The following GAL3ST3 variants were observed in gnomAD, a reference collection of about 807,000 sequenced individuals.
The protein encoded by GAL3ST3 is beta-galactose-3-O-sulfotransferase 3.
GAL3ST3 carries 21 observed loss-of-function variants against 20.8 expected under a neutral mutation model. The observed-to-expected ratio is 1.01, with a 90% CI of 0.72 to 1.45. The LOEUF (loss-of-function observed/expected upper bound fraction) is 1.45, where lower values mean the gene tolerates loss of function less well. Among genes scored for constraint, GAL3ST3 ranks in the 40% most tolerant of loss-of-function variants. GAL3ST3 has a pLI of 0.00. For synonymous variants in GAL3ST3, 355 were observed against 307.2 expected, an observed-to-expected ratio of 1.16 and a Z score of -1.63; for missense variants, 739 against 662.7, an observed-to-expected ratio of 1.12 and a Z score of -1.26.
At position 66,042,699 on chromosome 11, in the gene GAL3ST3, G is replaced by A. The variant is rs1856721114; in HGVS notation, c.1104C>T (p.Asp368=). Residue 368 remains aspartate (D), a synonymous_variant, in exon 3 of 3, where the codon GAC becomes GAT. Transcript: ENST00000312006. The stretch of plus-strand genomic sequence containing the variant: ...CCGGGCCGGCGCCGCCGCCGGGCAG[G>A]TCATAGCCCATAATGTCCACCTTGC... ...PSRKVDIMGY[D]LPGGGAGPAT... is the part of the protein sequence containing the mutation. The A allele has an allele frequency of 6.5e-7, 1 of 1,534,016 alleles. No homozygotes were observed. Among genetic ancestry groups the A allele is most frequent in the Non-Finnish European group, 8.7e-7 (1 of 1,145,872 alleles).
chr11:66,044,671 A>C (rs2135021101), intron 2 of GAL3ST3, among the ~76,000 whole-genome samples: 1 of 152,342 alleles, frequency 6.6e-6, no homozygotes. Flanking sequence ...AAATACAGTA[A>C]TATACAAAAA....
intron 2 of GAL3ST3, chr11:66,045,036 T>G: frequency 3.1e-6 from 1 of 322,434 alleles, no homozygotes. Context: ...GAGAAGTTGT[T>G]TCCACTGGGG....
Position 66,043,771 on chromosome 11 carries a change from G to A in GAL3ST3, c.126-94C>T, listed in dbSNP as rs564575881. On this transcript the variant is annotated intron_variant, in intron 2 of 2. Transcript: ENST00000312006. ...CAAGGACTGTGGGATGCCCCACAGC[G>A]CGGCCCCGCCTGGGCTGCACTCATG... The A allele has an allele frequency of 1.4e-4, 159 of 1,174,864 alleles. No homozygotes were observed. In the East Asian group the frequency reaches 2.9e-3, roughly 22 times the overall value. 72.8% of individuals were successfully genotyped at this position (1,174,864 alleles called of 1,614,324 possible). A position where few individuals can be genotyped will look rare whatever the true frequency, so the allele number is the denominator to read the frequency against.
chr11:66,045,320 A>G lies in GAL3ST3; in HGVS notation c.96T>C (p.Leu32=). The G allele has an allele frequency of 6.3e-7, 1 of 1,593,352 alleles. No individual in the cohort carries two copies. The highest frequency in any genetic ancestry group is 8.6e-7 in the Non-Finnish European group (1 of 1,169,136). The change falls in exon 2 of 3, where the codon CTT becomes CTC. Residue 32 remains leucine, a synonymous_variant. Transcript: ENST00000312006. The part of the protein sequence containing the change: ...LLVLGCSTVS[L]LIHQGAQLSW... ...TGAGCTGCGCCCCCTGGTGGATGAG[A>G]AGGCTTACGGTGCTGCACCCTAGCA... is the stretch of plus-strand genomic sequence containing the variant.
Position 66,042,946 on chromosome 11 carries a change from G to T in GAL3ST3, c.857C>A (p.Ala286Glu). ...LAAIPAALARAARTWNALDAG... is the reference protein window; with the variant it reads ...LAAIPAALAREARTWNALDAG... ...GTCCAGGGCGTTCCAGGTGCGCGCCGCCCGCGCCAGCGCCGCGGGGATGGC... is the reference window on the plus strand; with the variant it reads ...GTCCAGGGCGTTCCAGGTGCGCGCCTCCCGCGCCAGCGCCGCGGGGATGGC... The change falls in exon 3 of 3, where the codon GCG (alanine) becomes GAG (glutamate). Residue 286 changes from alanine (A) to glutamate (E), a missense_variant. By Grantham distance (107) the Ala-to-Glu change is moderately radical. Transcript: ENST00000312006. 7.7e-7 allele frequency: 1 copy of T among 1,302,906 alleles called. No homozygotes were observed. The highest frequency in any genetic ancestry group is 9.8e-7 in the Non-Finnish European group (1 of 1,023,710). The allele number at this position is 1,302,906 out of a possible 1,614,324, so 80.7% of individuals were successfully genotyped here.
rs899317494 is a variant in GAL3ST3 at position 66,042,388 on chromosome 11, C to T, written c.*119G>A. On this transcript the variant is annotated 3_prime_UTR_variant, in exon 3 of 3. Coordinates refer to ENST00000312006, the MANE Select transcript of GAL3ST3 (RefSeq NM_033036.3). ...TAGGGAGGCGTACCCCAAAGTTCAG[C>T]GAGGGACTCAAGCCCCTTGAAAAGA... is the stretch of plus-strand genomic sequence containing the variant. The T allele has an allele frequency of 2.3e-5, 18 of 778,296 alleles. No homozygotes were observed. The African/African-American group carries it at 2.8e-4, about 12-fold the overall frequency. 48.2% of individuals were successfully genotyped at this position (778,296 alleles called of 1,614,324 possible).
chr11:66,043,907 TATC>T (rs1856753274), intron 2 of GAL3ST3, among the ~76,000 whole-genome samples: 1 of 152,200 alleles, frequency 6.6e-6, no homozygotes, highest in African/African-American at 2.4e-5. Context: ...AGGCTGGACT[TATC>T]ATTGCATCTA....
rs762912088 is a variant in GAL3ST3, at chr11:66,043,642, AGAG to A, written c.158_160del (p.Pro53del). On this transcript the variant is annotated inframe_deletion, in exon 3 of 3. Transcript: ENST00000312006. The stretch of plus-strand genomic sequence containing the variant: ...CTTGGGGCGCGGCGGCGAGTTCCGC[AGAG>A]GAGGGCAGCTCAAGGGGAACAGCTT... 6 of 1,610,804 alleles carry A rather than the reference AGAG, an allele frequency of 3.7e-6. No homozygotes were observed. The South Asian group carries it at 4.4e-5, about 12-fold the overall frequency.
In GAL3ST3 at chr11:66,042,884, GC is replaced by G; in HGVS notation, c.918del (p.Trp306CysfsTer155). 1 of 1,181,960 alleles carries G rather than the reference GC, an allele frequency of 8.5e-7. No homozygotes were observed. Among genetic ancestry groups the G allele is most frequent in the Non-Finnish European group, 1.1e-6 (1 of 947,932 alleles). The allele number at this position is 1,181,960 out of a possible 1,614,324, so 73.2% of individuals were successfully genotyped here. A position where few individuals can be genotyped will look rare whatever the true frequency, so the allele number is the denominator to read the frequency against. On this transcript the variant is annotated frameshift_variant, in exon 3 of 3. Coordinates refer to ENST00000312006, the MANE Select transcript of GAL3ST3 (RefSeq NM_033036.3). LOFTEE classifies it high-confidence loss of function. ...GCGCGGCCCGCGCGCGCCACGTGGC[GC>G]CAGAAGGTGGCGTTGAAGTGGTCGT... ...GLYDHFNATF[W>X]RHVARAGRAC...
chr11:66,041,590 C>G lies in GAL3ST3; in HGVS notation c.*917G>C, dbSNP rs1027871598. Among the ~76,000 whole-genome samples the G allele has an allele frequency of 6.6e-6, 1 of 152,178 alleles. No homozygotes were observed. The highest frequency in any genetic ancestry group is 2.4e-5 in the African/African-American group (1 of 41,438). ...AAAGAGGTGTTGTGCTCTAACCCCT[C>G]CAGTCCTTCCTCTTTGCTTACCTGT... On this transcript the variant is annotated 3_prime_UTR_variant, in exon 3 of 3. Transcript: ENST00000312006.
chr11:66,044,376 C>A (rs1028732987), intron 2 of GAL3ST3, among the ~76,000 whole-genome samples: 2 of 152,198 alleles, frequency 1.3e-5, no homozygotes, highest in African/African-American at 2.4e-5. Context: ...GGGACAAAGA[C>A]CCCTGGAGAT....
intron 1 of GAL3ST3, among the ~76,000 whole-genome samples, chr11:66,047,501 CT>C (rs1856793920): frequency 6.6e-6 from 1 of 152,198 alleles, no homozygotes; most frequent in Non-Finnish European, 1.5e-5. Flanking sequence ...CCCCACTTCC[CT>C]ACATGGCTGA....
In GAL3ST3 at chr11:66,043,049, G is replaced by T. The variant is rs766591146; in HGVS notation, c.754C>A (p.Arg252=). ...TCCAGGTCCCAGGCCAGTAGGCGCC[G>T]CAGCAGCACTAGCGACTCGTCGAAG... is the stretch of plus-strand genomic sequence containing the variant. ...EYFDESLVLL[R]RLLAWDLDDV... Residue 252 remains arginine (R), a synonymous_variant, in exon 3 of 3, where the codon CGG becomes AGG. Coordinates refer to ENST00000312006, the MANE Select transcript of GAL3ST3 (RefSeq NM_033036.3). 6.2e-7 allele frequency: 1 copy of T among 1,611,118 alleles called. No individual in the cohort carries two copies. The highest frequency in any genetic ancestry group is 8.5e-7 in the Non-Finnish European group (1 of 1,179,204).
chr11:66,040,993 TAGC>T lies in GAL3ST3; in HGVS notation c.*1511_*1513del, dbSNP rs1156840101. ...GAAAAACTGGATAAAGAGTTGCTGA[TAGC>T]AGTGTCCTGGTTCTTCCCTTTACAT... On this transcript the variant is annotated 3_prime_UTR_variant, in exon 3 of 3. Transcript: ENST00000312006. 6.6e-6 allele frequency among the ~76,000 whole-genome samples: 1 copy of T among 152,212 alleles called. No individual in the cohort carries two copies. Among genetic ancestry groups the T allele is most frequent in the African/African-American group, 2.4e-5 (1 of 41,456 alleles).
chr11:66,048,009 G>C (rs1368766865), intron 1 of GAL3ST3, among the ~76,000 whole-genome samples: 7 of 152,206 alleles, frequency 4.6e-5, no homozygotes, highest in Admixed American at 3.9e-4. Context: ...CCAAGGCAGT[G>C]CCTCTCAGGG....
chr11:66,043,281 G>C lies in GAL3ST3; in HGVS notation c.522C>G (p.Arg174=). The change falls in exon 3 of 3, where the codon CGC becomes CGG. Residue 174 remains arginine, a synonymous_variant. Coordinates refer to ENST00000312006, the MANE Select transcript of GAL3ST3 (RefSeq NM_033036.3). ...YYNQYCPAFR[R]VPNASLEAFL... ...AGGCCTCGAGCGAGGCGTTGGGTAC[G>C]CGCCGGAAGGCCGGGCAGTACTGGT... 1 of 1,612,052 alleles carries C rather than the reference G, an allele frequency of 6.2e-7. No homozygotes were observed. Among genetic ancestry groups the C allele is most frequent in the East Asian group, 2.2e-5 (1 of 44,824 alleles).
In GAL3ST3 at chr11:66,042,863, G is replaced by T; in HGVS notation, c.940C>A (p.Arg314Ser). ...CGCGCCTCGCGCTCCACGCACGCGC[G>T]GCCCGCGCGCGCCACGTGGCGCCAG... ...TFWRHVARAG[R>S]ACVEREAREL... Residue 314 changes from arginine (R) to serine (S), a missense_variant, in exon 3 of 3, where the codon CGC becomes AGC. Arg to Ser is a moderately radical substitution (Grantham distance 110). Transcript: ENST00000312006. The T allele has an allele frequency of 1.7e-6, 2 of 1,169,450 alleles. No individual in the cohort carries two copies. The highest frequency in any genetic ancestry group is 2.2e-5 in the South Asian group (1 of 46,470). The allele number at this position is 1,169,450 out of a possible 1,614,324, so 72.4% of individuals were successfully genotyped here.
chr11:66,041,593 G>C lies in GAL3ST3; in HGVS notation c.*914C>G, dbSNP rs1856704730. ...GAGGTGTTGTGCTCTAACCCCTCCA[G>C]TCCTTCCTCTTTGCTTACCTGTCTT... On this transcript the variant is annotated 3_prime_UTR_variant, in exon 3 of 3. Transcript: ENST00000312006. 6.6e-6 allele frequency among the ~76,000 whole-genome samples: 1 copy of C among 152,176 alleles called. No individual in the cohort carries two copies. The highest frequency in any genetic ancestry group is 6.5e-5 in the Admixed American group (1 of 15,280).
chr11:66,041,816 T>C lies in GAL3ST3; in HGVS notation c.*691A>G, dbSNP rs914502973. On this transcript the variant is annotated 3_prime_UTR_variant, in exon 3 of 3. Coordinates refer to ENST00000312006, the MANE Select transcript of GAL3ST3 (RefSeq NM_033036.3). ...CAGTCGGTCAAGCGGTTGAGGAGGGTTGTAGGCCTATGCCAGGTGGCGGGG... is the reference window on the plus strand; with the variant it reads ...CAGTCGGTCAAGCGGTTGAGGAGGGCTGTAGGCCTATGCCAGGTGGCGGGG... The C allele has an allele frequency of 9.2e-5, 14 of 151,956 alleles. No homozygotes were observed. Among genetic ancestry groups the C allele is most frequent in the African/African-American group, 3.1e-4 (13 of 41,326 alleles). The allele number at this position is 151,956 out of a possible 1,614,324, so 9.4% of individuals were successfully genotyped here.
Sources: gnomAD v4.1 joint callset for allele counts (sites outside exome capture counted in the v4.1 genomes callset) on GRCh38, gnomAD v4.1.1 for gene constraint, MANE v1.5 for transcripts, NCBI Gene and HGNC (gene_info 2026-07-23, HGNC 2026-07-21) for gene names.